Variants in CSMD1 observed in about 807,000 individuals in gnomAD.
CSMD1 encodes the protein CUB and sushi domain-containing protein 1.
A neutral mutation model predicts 417.5 loss-of-function variants in CSMD1; 213 were observed. That is an observed-to-expected ratio of 0.51 (90% CI 0.46 to 0.57). The LOEUF is 0.57. Ranked by LOEUF, CSMD1 falls within the 20% of genes least tolerant of loss-of-function variation. The pLI, the probability that CSMD1 is intolerant of heterozygous loss-of-function variation, is 0.00. For synonymous variants in CSMD1, 2,862 were observed against 1,736.8 expected (o/e 1.65, Z -16.11); for missense variants, 6,923 against 4,529.7 (o/e 1.53, Z -15.17).
chr8:4,910,412 C>T (rs1028197188), intron 1 of CSMD1, among the ~76,000 whole-genome samples: 1 of 152,270 alleles, frequency 6.6e-6, no homozygotes, highest in Non-Finnish European at 1.5e-5. Flanking sequence ...ATTTATTTTT[C>T]ACATTCTGGA....
intron 3 of CSMD1, among the ~76,000 whole-genome samples, chr8:4,401,132 G>C (rs540290068): frequency 1.3e-5 from 2 of 152,112 alleles, no homozygotes; most frequent in African/African-American, 4.8e-5. Flanking sequence ...TAAAGCTTCT[G>C]TTTGAAGCTG....
chr8:3,543,903 G>A (rs564235664), intron 10 of CSMD1, among the ~76,000 whole-genome samples: 1 of 152,148 alleles, frequency 6.6e-6, no homozygotes, highest in African/African-American at 2.4e-5. Context: ...GGATGTGGAG[G>A]ACCCTGAGAA....
intron 6 of CSMD1, among the ~76,000 whole-genome samples, chr8:3,725,241 A>G (rs1217164230): frequency 1.3e-5 from 2 of 152,136 alleles, no homozygotes; most frequent in Non-Finnish European, 2.9e-5. Flanking sequence ...AAGGCCCTCA[A>G]GGTGTGGGTT....
intron 1 of CSMD1, among the ~76,000 whole-genome samples, chr8:4,952,756 A>C (rs1355999627): frequency 6.6e-6 from 1 of 152,068 alleles, no homozygotes; most frequent in Non-Finnish European, 1.5e-5. Context: ...TTTATTTGAA[A>C]TTTCCTGTAA....
At chr8:3,559,547 A>G (rs1361910195) in intron 10 of CSMD1, among the ~76,000 whole-genome samples, 1 of 152,198 alleles carries the variant, frequency 6.6e-6, no homozygotes, top group Non-Finnish European at 1.5e-5. Context: ...ATGATAAAGG[A>G]AAAGAATTGG....
At chr8:2,972,784 C>T (rs1804570427) in intron 57 of CSMD1, among the ~76,000 whole-genome samples, 1 of 152,206 alleles carries the variant, frequency 6.6e-6, no homozygotes, top group African/African-American at 2.4e-5. Context: ...ATTGGTCCTG[C>T]TCACTGCTCT....
At position 3,701,550 on chromosome 8, in the gene CSMD1, G is replaced by C. The variant is rs556339119; in HGVS notation, c.1009+6864C>G. On this transcript the variant is annotated intron_variant, in intron 7 of 69. Transcript: ENST00000635120. ...GCATATTGGAATTTAACGATTAAGA[G>C]AAGATTACCCACTAGTGTATTTTAT... Among the ~76,000 whole-genome samples the C allele has an allele frequency of 5.9e-5, 9 of 151,882 alleles. No homozygotes were observed. The East Asian group carries it at 9.7e-4, about 16-fold the overall frequency.
At chr8:3,871,620 G>A (rs1805488008) in intron 5 of CSMD1, among the ~76,000 whole-genome samples, 1 of 151,966 alleles carries the variant, frequency 6.6e-6, no homozygotes, top group Admixed American at 6.6e-5. Context: ...AGATTATACA[G>A]GATATATTTT....
chr8:3,896,798 G>C (rs1405337776), intron 5 of CSMD1, among the ~76,000 whole-genome samples: 1 of 151,952 alleles, frequency 6.6e-6, no homozygotes, highest in Non-Finnish European at 1.5e-5. Flanking sequence ...CTGAGAGTCT[G>C]AATTGATGGT....
intron 50 of CSMD1, among the ~76,000 whole-genome samples, chr8:3,030,116 T>C (rs965323337): frequency 2.0e-5 from 3 of 152,008 alleles, no homozygotes; most frequent in Non-Finnish European, 4.4e-5. Flanking sequence ...GCCTAGAATA[T>C]AGCAGTTACT....
chr8:3,206,421 A>ATG (rs1400841091), intron 30 of CSMD1, among the ~76,000 whole-genome samples: 1 of 50,288 alleles, frequency 2.0e-5, no homozygotes, highest in South Asian at 7.5e-4. Context: ...CTGTGTGTGT[A>ATG]TGTGTGTGTG....
intron 2 of CSMD1, among the ~76,000 whole-genome samples, chr8:4,449,715 A>C (rs1799019768): frequency 6.6e-6 from 1 of 152,158 alleles, no homozygotes; most frequent in Non-Finnish European, 1.5e-5. Flanking sequence ...TATGGGGAAG[A>C]AATGCCAGAA....
chr8:2,944,504 T>TA (rs1313286010), intron 68 of CSMD1, among the ~76,000 whole-genome samples: 1 of 152,148 alleles, frequency 6.6e-6, no homozygotes, highest in African/African-American at 2.4e-5. Flanking sequence ...CTCAAGTGCT[T>TA]ACAACAATGC....
intron 6 of CSMD1, among the ~76,000 whole-genome samples, chr8:3,743,159 C>G (rs998670327): frequency 7.9e-5 from 12 of 152,144 alleles, no homozygotes; most frequent in Admixed American, 3.3e-4. Context: ...GCTCCAAAAG[C>G]CAGCATCTCT....
chr8:4,737,250 G>C (rs1404552726), intron 1 of CSMD1, among the ~76,000 whole-genome samples: 1 of 151,980 alleles, frequency 6.6e-6, no homozygotes, highest in African/African-American at 2.4e-5. Context: ...AAACCAAATA[G>C]TGCACGTTCT....
rs1415460012 is a variant in CSMD1, at chr8:4,195,976, C to T, written c.416-163877G>A. ...CCTGTAATCCCAACACTTTGGGGCA[C>T]CGAGGTGAGCGGATCATGAGGTCAT... On this transcript the variant is annotated intron_variant, in intron 3 of 69. Coordinates refer to ENST00000635120, the MANE Select transcript of CSMD1 (RefSeq NM_033225.6). Among the ~76,000 whole-genome samples, 9 of 152,074 alleles carry T rather than the reference C, an allele frequency of 5.9e-5. No individual in the cohort carries two copies. In the East Asian group the frequency reaches 1.4e-3, roughly 23 times the overall value.
intron 39 of CSMD1, among the ~76,000 whole-genome samples, chr8:3,156,342 T>C (rs1319277681): frequency 6.6e-6 from 1 of 152,208 alleles, no homozygotes; most frequent in Non-Finnish European, 1.5e-5. Context: ...TGATCCAGGC[T>C]CTCTGATACT....
intron 42 of CSMD1, among the ~76,000 whole-genome samples, chr8:3,115,399 G>C (rs1200762971): frequency 4.6e-5 from 7 of 151,998 alleles, no homozygotes; most frequent in African/African-American, 7.2e-5. Context: ...TTGGGGTTTT[G>C]CCATGTTGGC....
intron 3 of CSMD1, among the ~76,000 whole-genome samples, chr8:4,259,221 C>T (rs1364763563): frequency 1.3e-5 from 2 of 152,278 alleles, no homozygotes; most frequent in South Asian, 2.1e-4. Context: ...TTTCAAATCG[C>T]AGAGAGAATG....
Sources: allele counts gnomAD v4.1 joint callset (sites outside exome capture counted in the v4.1 genomes callset), GRCh38; gene constraint gnomAD v4.1.1; transcripts MANE v1.5; gene names NCBI Gene and HGNC (gene_info 2026-07-23, HGNC 2026-07-21).